FOXK1: variants seen among roughly 807,000 people sequenced by gnomAD.
FOXK1 encodes forkhead box protein K1.
Under a neutral mutation model 51.9 loss-of-function variants are expected in FOXK1, and 19 were observed. The ratio of observed to expected loss-of-function variants is 0.37; its 90% CI spans 0.26 to 0.54. FOXK1 has a LOEUF of 0.54. Among genes scored for constraint, FOXK1 ranks in the 20% least tolerant of loss-of-function variants. The pLI is 0.87. For synonymous variants in FOXK1, 537 were observed against 482.6 expected (o/e 1.11, Z -1.48); for missense variants, 870 against 1,032.7 (o/e 0.84, Z 2.16).
At chr7:4,689,059 C>G (rs1477061334) in intron 1 of FOXK1, among the ~76,000 whole-genome samples, 2 of 151,822 alleles carry the variant, frequency 1.3e-5, no homozygotes, top group Non-Finnish European at 2.9e-5. Context: ...TCATTGCAAC[C>G]CCCTGCCTCC....
At chr7:4,708,105 C>T (rs1367478377) in intron 1 of FOXK1, among the ~76,000 whole-genome samples, 1 of 152,088 alleles carries the variant, frequency 6.6e-6, no homozygotes, top group Non-Finnish European at 1.5e-5. Flanking sequence ...CTTTTCCCAG[C>T]CTGGAACCCG....
intron 1 of FOXK1, among the ~76,000 whole-genome samples, chr7:4,717,980 A>T (rs961395551): frequency 6.6e-6 from 1 of 151,920 alleles, no homozygotes; most frequent in Non-Finnish European, 1.5e-5. Context: ...ACCCTGGTTT[A>T]TGGTTTTTTA....
chr7:4,690,568 A>G (rs1779878689), intron 1 of FOXK1, among the ~76,000 whole-genome samples: 1 of 152,272 alleles, frequency 6.6e-6, no homozygotes, highest in Non-Finnish European at 1.5e-5. Flanking sequence ...AAGAAAACTT[A>G]CATAGAATTT....
intron 1 of FOXK1, among the ~76,000 whole-genome samples, chr7:4,694,854 C>T (rs573965498): frequency 6.6e-6 from 1 of 152,154 alleles, no homozygotes; most frequent in Non-Finnish European, 1.5e-5. Context: ...CAAGCCGCCC[C>T]GGGTGGGATT....
At position 4,748,818 on chromosome 7, in the gene FOXK1, A is replaced by C. The variant is rs140766938; in HGVS notation, c.747-5641A>C. Among the ~76,000 whole-genome samples the C allele has an allele frequency of 1.4e-4, 21 of 152,314 alleles. 1 individual carries two copies. Among genetic ancestry groups the C allele is most frequent in the African/African-American group, 4.3e-4 (18 of 41,570 alleles). On this transcript the variant is annotated intron_variant, in intron 2 of 8. Transcript: ENST00000328914. The surrounding 1 kb of genome is among the most constrained non-coding windows in gnomAD (Gnocchi z 4.9). Reference sequence around the variant, plus strand: ...CTCAGCCTCCCGAGTAGTAGGGACTACAGGTGTGCACCACCATGCCCGGCT... The same window carrying C: ...CTCAGCCTCCCGAGTAGTAGGGACTCCAGGTGTGCACCACCATGCCCGGCT...
intron 2 of FOXK1, among the ~76,000 whole-genome samples, chr7:4,752,660 G>C (rs1780794626): frequency 6.6e-6 from 1 of 152,234 alleles, no homozygotes; most frequent in Non-Finnish European, 1.5e-5. Flanking sequence ...CCGGAGATCA[G>C]AGTGTATGTG....
chr7:4,700,741 C>T (rs1273001137), intron 1 of FOXK1, among the ~76,000 whole-genome samples: 1 of 151,958 alleles, frequency 6.6e-6, no homozygotes, highest in East Asian at 1.9e-4. Flanking sequence ...CCTTGAGCCC[C>T]AGAAGGTCAA....
In FOXK1 at chr7:4,729,878, T is replaced by C. The variant is rs551663056; in HGVS notation, c.561-10960T>C. Among the ~76,000 whole-genome samples the C allele has an allele frequency of 2.6e-5, 4 of 152,076 alleles. No individual in the cohort carries two copies. The highest frequency in any genetic ancestry group is 5.9e-5 in the Non-Finnish European group (4 of 68,012). On this transcript the variant is annotated intron_variant, in intron 1 of 8. Coordinates refer to ENST00000328914, the MANE Select transcript of FOXK1 (RefSeq NM_001037165.2). The surrounding 1 kb of genome is among the most constrained non-coding windows in gnomAD (Gnocchi z 6.2). ...GGTAGTGGGTACCAGTAATCCTAGC[T>C]ACTCGGGAGGCTGAGGCAGGAGAAT...
At chr7:4,725,257 G>A (rs7785686) in intron 1 of FOXK1, among the ~76,000 whole-genome samples, 19,729 of 152,334 alleles carry the variant, frequency 0.13, 4,106 homozygotes, top group African/African-American at 0.44. Context: ...CTTTGGCCCA[G>A]GTGGCCGGAA....
intron 1 of FOXK1, among the ~76,000 whole-genome samples, chr7:4,728,932 G>T (rs901712342): frequency 6.6e-6 from 1 of 152,108 alleles, no homozygotes; most frequent in Non-Finnish European, 1.5e-5. Context: ...TAATGACTAC[G>T]TGGAATTACT....
chr7:4,690,246 C>G (rs1380178877), intron 1 of FOXK1, among the ~76,000 whole-genome samples: 1 of 152,202 alleles, frequency 6.6e-6, no homozygotes, highest in Non-Finnish European at 1.5e-5. Context: ...CTGGGGAGAA[C>G]AATCACTGCT....
intron 1 of FOXK1, among the ~76,000 whole-genome samples, chr7:4,737,634 G>A (rs2115059019): frequency 6.6e-6 from 1 of 152,176 alleles, no homozygotes; most frequent in Middle Eastern, 3.4e-3. Context: ...GTTCACAGCT[G>A]GAGTTCACCT....
rs1779776266 is a variant in FOXK1, at chr7:4,683,240, A to C, written c.560+372A>C. Among the ~76,000 whole-genome samples, 1 of 149,900 alleles carries C rather than the reference A, an allele frequency of 6.7e-6. No individual in the cohort carries two copies. ...CCCACCGGCCTGGGCTCCTGGAGCC[A>C]CCCATACCCCAAGCCCATCTGGCTG... On this transcript the variant is annotated intron_variant, in intron 1 of 8. Transcript: ENST00000328914. The surrounding 1 kb of genome is among the most constrained non-coding windows in gnomAD (Gnocchi z 4.5).
At chr7:4,751,684 C>T (rs761420479) in intron 2 of FOXK1, among the ~76,000 whole-genome samples, 8 of 152,224 alleles carry the variant, frequency 5.3e-5, no homozygotes, top group Non-Finnish European at 1.0e-4. Flanking sequence ...ACGGGCTGCT[C>T]CGAGGGCTGG....
At chr7:4,737,668 G>C (rs1780573750) in intron 1 of FOXK1, among the ~76,000 whole-genome samples, 1 of 152,126 alleles carries the variant, frequency 6.6e-6, no homozygotes, top group African/African-American at 2.4e-5. Context: ...TGGACCCTCA[G>C]CCAGATGCTG....
At chr7:4,757,634 CAAAAAA>C (rs59200954) in intron 5 of FOXK1, among the ~76,000 whole-genome samples, 20 of 20,204 alleles carry the variant, frequency 9.9e-4, no homozygotes, top group East Asian at 3.2e-3. Flanking sequence ...AACTCCGTCT[CAAAAAA>C]AAAAAAAAAA....
intron 1 of FOXK1, among the ~76,000 whole-genome samples, chr7:4,739,669 T>G (rs760247207): frequency 3.3e-5 from 5 of 152,238 alleles, no homozygotes; most frequent in Non-Finnish European, 7.3e-5. Context: ...AGCCCAGAAC[T>G]GATCGTGAAG....
chr7:4,738,640 C>T (rs957728314), intron 1 of FOXK1, among the ~76,000 whole-genome samples: 1 of 152,152 alleles, frequency 6.6e-6, no homozygotes, highest in Non-Finnish European at 1.5e-5. Context: ...ACCGACCACC[C>T]ACCCTTATCC....
At chr7:4,721,948 T>C (rs970920089) in intron 1 of FOXK1, among the ~76,000 whole-genome samples, 2 of 152,246 alleles carry the variant, frequency 1.3e-5, no homozygotes, top group South Asian at 2.1e-4. Context: ...CAAATGTAAA[T>C]GCATCCCTTT....
Sources: allele counts gnomAD v4.1 joint callset (sites outside exome capture counted in the v4.1 genomes callset), GRCh38; gene constraint gnomAD v4.1.1; non-coding constraint Gnocchi (gnomAD v3.1); transcripts MANE v1.5; gene names NCBI Gene and HGNC (gene_info 2026-07-23, HGNC 2026-07-21).